The following TBC1D22A variants were observed in gnomAD, a reference collection of about 807,000 sequenced individuals.
TBC1D22A encodes TBC1 domain family member 22A.
In TBC1D22A, 38 loss-of-function variants were observed where a neutral mutation model predicts 60.2. The observed-to-expected ratio is 0.63, with a 90% CI of 0.49 to 0.83. The LOEUF (loss-of-function observed/expected upper bound fraction) is 0.83, where lower values mean the gene tolerates loss of function less well. Ranked by LOEUF, TBC1D22A falls within the 40% of genes least tolerant of loss-of-function variation. The pLI is 0.00. For synonymous variants in TBC1D22A, 302 were observed against 281.7 expected (o/e 1.07, Z -0.72); for missense variants, 628 against 701.0 (o/e 0.90, Z 1.18).
chr22:46,841,376 A>C (rs1347733577), intron 4 of TBC1D22A, among the ~76,000 whole-genome samples: 1 of 152,252 alleles, frequency 6.6e-6, no homozygotes, highest in Non-Finnish European at 1.5e-5. Flanking sequence ...CAGACACCTA[A>C]CCTGCCAGCA....
At chr22:46,994,292 C>T (rs1003007144) in intron 9 of TBC1D22A, among the ~76,000 whole-genome samples, 2 of 152,190 alleles carry the variant, frequency 1.3e-5, no homozygotes, top group Non-Finnish European at 2.9e-5. Context: ...GCTGACTGAT[C>T]CCAGGACCCA....
intron 12 of TBC1D22A, among the ~76,000 whole-genome samples, chr22:47,137,409 C>T (rs1319147924): frequency 6.6e-6 from 1 of 152,198 alleles, no homozygotes; most frequent in East Asian, 1.9e-4. Context: ...TCACTGCCCC[C>T]TCACTGCCCA....
At chr22:47,169,473 T>C (rs1209908914) in intron 12 of TBC1D22A, among the ~76,000 whole-genome samples, 6 of 152,168 alleles carry the variant, frequency 3.9e-5, no homozygotes, top group Non-Finnish European at 5.9e-5. Flanking sequence ...CCTTGGGTGC[T>C]GATGGACATG....
chr22:47,012,103 C>T (rs1196102553), intron 10 of TBC1D22A, among the ~76,000 whole-genome samples: 1 of 152,064 alleles, frequency 6.6e-6, no homozygotes, highest in Non-Finnish European at 1.5e-5. Flanking sequence ...CAGCAATCGA[C>T]CATCGTGCTG....
At position 46,791,202 on chromosome 22, in the gene TBC1D22A, T is replaced by G. The variant is rs537496758; in HGVS notation, c.63-1318T>G. ...CCCAGCCAATTTTTTTGTATTTTTT[T>G]GTGCAGACGTGGTTTCGCCATGTTG... is the stretch of plus-strand genomic sequence containing the variant. On this transcript the variant is annotated intron_variant, in intron 1 of 12. Transcript: ENST00000337137. Among the ~76,000 whole-genome samples the G allele has an allele frequency of 8.5e-5, 13 of 152,280 alleles. No individual in the cohort carries two copies. In the East Asian group the frequency reaches 1.5e-3, roughly 18 times the overall value.
chr22:46,935,733 TGCCCGTGTCTCTGTA>T (rs2071610880), intron 8 of TBC1D22A, among the ~76,000 whole-genome samples: 1 of 152,232 alleles, frequency 6.6e-6, no homozygotes, highest in Non-Finnish European at 1.5e-5. Context: ...TCCTCAAAGA[TGCCCGTGTCTCTGTA>T]GCCTTTGCTG....
intron 12 of TBC1D22A, among the ~76,000 whole-genome samples, chr22:47,131,886 G>C (rs925527476): frequency 5.3e-5 from 8 of 152,228 alleles, no homozygotes; most frequent in Admixed American, 1.3e-4. Context: ...AGCTGTGCTT[G>C]GGGCTTATCC....
At chr22:47,021,549 C>T (rs1462713427) in intron 10 of TBC1D22A, among the ~76,000 whole-genome samples, 1 of 150,786 alleles carries the variant, frequency 6.6e-6, no homozygotes, top group African/African-American at 2.4e-5. Flanking sequence ...ACCTGGAGTC[C>T]TGAGCAGGGA....
At chr22:47,129,567 GAGGGTT>G (rs997687807) in intron 12 of TBC1D22A, among the ~76,000 whole-genome samples, 5 of 152,208 alleles carry the variant, frequency 3.3e-5, no homozygotes, top group Non-Finnish European at 5.9e-5. Context: ...CTAGGATCCT[GAGGGTT>G]ATGGCATACA....
chr22:47,042,205 G>A (rs1297175981), intron 11 of TBC1D22A, among the ~76,000 whole-genome samples: 2 of 152,200 alleles, frequency 1.3e-5, no homozygotes, highest in Non-Finnish European at 1.5e-5. Flanking sequence ...GGGCTCCAGG[G>A]CCCTGTTGAG....
chr22:46,911,938 T>A, intron 7 of TBC1D22A, 136 bp from the exon 8 acceptor site: 1 of 607,866 alleles, frequency 1.6e-6, no homozygotes, highest in Admixed American at 3.1e-5. Context: ...AAAAAATTGA[T>A]ATTTGTTTAT....
chr22:46,944,461 C>T (rs943612747), intron 8 of TBC1D22A, among the ~76,000 whole-genome samples: 5 of 152,154 alleles, frequency 3.3e-5, no homozygotes, highest in Admixed American at 6.5e-5. Flanking sequence ...TGCAGTGGCG[C>T]AATCTTGGCT....
At chr22:46,828,076 G>T (rs1463879297) in intron 4 of TBC1D22A, among the ~76,000 whole-genome samples, 1 of 152,190 alleles carries the variant, frequency 6.6e-6, no homozygotes, top group Non-Finnish European at 1.5e-5. Context: ...CATTGACTAA[G>T]ATTAGAAGCA....
At chr22:46,781,801 A>G (rs1478951515) in intron 1 of TBC1D22A, among the ~76,000 whole-genome samples, 1 of 152,082 alleles carries the variant, frequency 6.6e-6, no homozygotes, top group African/African-American at 2.4e-5. Context: ...GTGACCCTTC[A>G]TCAGTGTTTG....
At chr22:47,097,791 T>A (rs565264072) in intron 11 of TBC1D22A, among the ~76,000 whole-genome samples, 1 of 152,324 alleles carries the variant, frequency 6.6e-6, no homozygotes, top group South Asian at 2.1e-4. Flanking sequence ...TTGCATATAT[T>A]TGTGTAATAT....
intron 5 of TBC1D22A, among the ~76,000 whole-genome samples, chr22:46,884,418 A>C (rs1339810747): frequency 2.6e-5 from 4 of 152,224 alleles, no homozygotes; most frequent in African/African-American, 9.6e-5. Context: ...AATAGTGCCC[A>C]CCAGACACAG....
At chr22:47,081,093 C>T (rs1325025324) in intron 11 of TBC1D22A, among the ~76,000 whole-genome samples, 4 of 137,248 alleles carry the variant, frequency 2.9e-5, no homozygotes, top group Non-Finnish European at 4.5e-5. Context: ...GCACTCCAGC[C>T]TGGGCAACAA....
chr22:47,094,052 C>A (rs147093071), intron 11 of TBC1D22A, among the ~76,000 whole-genome samples: 1 of 152,218 alleles, frequency 6.6e-6, no homozygotes, highest in African/African-American at 2.4e-5. Context: ...AGGAAGCAGT[C>A]AAGATGAATG....
intron 4 of TBC1D22A, among the ~76,000 whole-genome samples, chr22:46,802,836 C>T (rs1397563418): frequency 1.8e-4 from 19 of 104,400 alleles, no homozygotes; most frequent in Admixed American, 8.0e-4. Context: ...GAGTGGAGGC[C>T]GTGGGCTGGG....
Sources: allele counts gnomAD v4.1 joint callset (sites outside exome capture counted in the v4.1 genomes callset), GRCh38; gene constraint gnomAD v4.1.1; transcripts MANE v1.5; gene names NCBI Gene and HGNC (gene_info 2026-07-23, HGNC 2026-07-21).